SNX13: variants seen among roughly 807,000 people sequenced by gnomAD.
The protein encoded by SNX13 is sorting nexin 13.
SNX13 carries 45 observed loss-of-function variants against 133.6 expected under a neutral mutation model. The observed-to-expected ratio is 0.34, with a 90% CI of 0.27 to 0.43. The LOEUF (loss-of-function observed/expected upper bound fraction) is 0.43, where lower values mean the gene tolerates loss of function less well. SNX13 is among the 20% of genes least tolerant of loss of function. SNX13 has a pLI of 1.00. For missense variants in SNX13, 1,032 were observed against 1,145.1 expected (o/e 0.90, Z 1.43); for synonymous variants, 414 against 373.9 (o/e 1.11, Z -1.24).
chr7:17,810,235 A>G (rs910139416), intron 20 of SNX13, among the ~76,000 whole-genome samples: 1 of 152,170 alleles, frequency 6.6e-6, no homozygotes, highest in African/African-American at 2.4e-5. Context: ...CAGACTAATA[A>G]AGAAGAAAAG....
intron 9 of SNX13, among the ~76,000 whole-genome samples, chr7:17,856,487 A>G (rs1241806414): frequency 6.6e-6 from 1 of 152,164 alleles, no homozygotes; most frequent in Non-Finnish European, 1.5e-5. Context: ...TTCTCCAATT[A>G]AAAGACATAG....
intron 15 of SNX13, chr7:17,831,876 G>T (rs1788531799): frequency 9.1e-6 from 9 of 984,104 alleles, no homozygotes; most frequent in Non-Finnish European, 1.1e-5. Flanking sequence ...TAAACCAGTG[G>T]CCTAAAACCT....
intron 13 of SNX13, among the ~76,000 whole-genome samples, chr7:17,838,563 T>G (rs1336760236): frequency 1.3e-5 from 2 of 151,886 alleles, no homozygotes. Flanking sequence ...AAAAAGATTG[T>G]TGATTGTAGA....
At chr7:17,795,128 G>C (rs1487676445) in intron 25 of SNX13, 1 of 151,626 alleles carries the variant, frequency 6.6e-6, no homozygotes, top group Non-Finnish European at 1.5e-5. Flanking sequence ...TAAATTCAAA[G>C]TGAAGAAAGC....
intron 21 of SNX13, among the ~76,000 whole-genome samples, chr7:17,803,112 CATG>C (rs1189991033): frequency 1.3e-5 from 2 of 152,128 alleles, no homozygotes; most frequent in Non-Finnish European, 2.9e-5. Context: ...AATAGTACTT[CATG>C]ATAAAAATGG....
At chr7:17,812,342 C>T (rs978288281) in intron 20 of SNX13, among the ~76,000 whole-genome samples, 5 of 151,934 alleles carry the variant, frequency 3.3e-5, no homozygotes, top group East Asian at 3.9e-4. Context: ...GCGAACGATA[C>T]GAACAGACAC....
chr7:17,864,496 T>A (rs1793123011), intron 9 of SNX13, among the ~76,000 whole-genome samples: 2 of 152,162 alleles, frequency 1.3e-5, no homozygotes, highest in East Asian at 3.9e-4. Context: ...AAATGAAGCA[T>A]ACCCACAAGA....
chr7:17,937,976 G>A (rs564112402), intron 1 of SNX13, among the ~76,000 whole-genome samples: 213 of 152,248 alleles, frequency 1.4e-3, no homozygotes, highest in African/African-American at 3.8e-3. Flanking sequence ...CACATTTTGA[G>A]ACCTAACATG....
chr7:17,910,774 T>C (rs762797265), intron 1 of SNX13, among the ~76,000 whole-genome samples: 4 of 152,200 alleles, frequency 2.6e-5, no homozygotes, highest in Non-Finnish European at 5.9e-5. Flanking sequence ...AAACTTATGT[T>C]AAATGAAAGA....
chr7:17,805,211 T>TTGTGTGTGTGTGTGTGTG lies in SNX13; in HGVS notation c.2065-1649_2065-1632dup, dbSNP rs55946438. Among the ~76,000 whole-genome samples, 752 of 118,418 alleles carry TTGTGTGTGTGTGTGTGTG rather than the reference T, an allele frequency of 6.4e-3. 14 individuals carry two copies. The highest frequency in any genetic ancestry group is 0.014 in the African/African-American group (427 of 29,740). 77.7% of individuals were successfully genotyped at this position (118,418 alleles called of 152,430 possible). The stretch of plus-strand genomic sequence containing the variant: ...AGTCTCACGTTTGGCTAATGATTCT[T>TTGTGTGTGTGTGTGTGTG]TGTGTGTGTGTGTGTGTGTGTGTGT... On this transcript the variant is annotated intron_variant, in intron 20 of 25. Transcript: ENST00000428135.
At chr7:17,861,537 T>A (rs1193917598) in intron 9 of SNX13, among the ~76,000 whole-genome samples, 2 of 152,086 alleles carry the variant, frequency 1.3e-5, no homozygotes, top group African/African-American at 2.4e-5. Flanking sequence ...GTAACTAGCT[T>A]CCAATAAAAT....
intron 20 of SNX13, among the ~76,000 whole-genome samples, chr7:17,814,168 A>G (rs1017250576): frequency 6.6e-6 from 1 of 152,182 alleles, no homozygotes; most frequent in Non-Finnish European, 1.5e-5. Context: ...AATATACAGA[A>G]TATTGCATGA....
At chr7:17,840,149 A>C (rs1410082279) in intron 12 of SNX13, 149 bp from the exon 13 acceptor site, 7 of 587,886 alleles carry the variant, frequency 1.2e-5, no homozygotes, top group Non-Finnish European at 1.8e-5. Context: ...TGAGGTGAAA[A>C]TATAGTTGTA....
At chr7:17,817,718 T>C (rs892910278) in intron 18 of SNX13, among the ~76,000 whole-genome samples, 1 of 152,156 alleles carries the variant, frequency 6.6e-6, no homozygotes, top group Non-Finnish European at 1.5e-5. Flanking sequence ...GTATTAGAAA[T>C]GGGTCCTCAC....
Position 17,879,937 on chromosome 7 carries a change from C to T in SNX13, c.441-4147G>A, listed in dbSNP as rs149176393. ...TTTGAGTCTATGATTATATTAGCTACATAAAACCACACATATACATACACA... is the reference window on the plus strand; with the variant it reads ...TTTGAGTCTATGATTATATTAGCTATATAAAACCACACATATACATACACA... On this transcript the variant is annotated intron_variant, in intron 5 of 25. Coordinates refer to ENST00000428135, the MANE Select transcript of SNX13 (RefSeq NM_015132.5). 8.5e-5 allele frequency: 13 copies of T among 152,272 alleles called. No homozygotes were observed. The East Asian group carries it at 2.3e-3, about 27-fold the overall frequency. The allele number at this position is 152,272 out of a possible 1,614,324, so 9.4% of individuals were successfully genotyped here.
Position 17,857,135 on chromosome 7 carries a change from TAGA to T in SNX13, c.838-6174_838-6172del, listed in dbSNP as rs564022649. ...TTATGCTCCAACAAACTGGAAAACC[TAGA>T]AGAACTGAATAAATTCCTCACACAT... On this transcript the variant is annotated intron_variant, in intron 9 of 25. Transcript: ENST00000428135. Among the ~76,000 whole-genome samples, 119 of 152,254 alleles carry T rather than the reference TAGA, an allele frequency of 7.8e-4. 2 individuals carry two copies. In the South Asian group the frequency reaches 0.023, roughly 30 times the overall value.
At chr7:17,862,903 C>T (rs191914498) in intron 9 of SNX13, among the ~76,000 whole-genome samples, 234 of 152,182 alleles carry the variant, frequency 1.5e-3, no homozygotes, top group African/African-American at 5.2e-3. Flanking sequence ...TCACAGTACC[C>T]GGTTTGAGCA....
chr7:17,804,941 A>C (rs549880495), intron 20 of SNX13, among the ~76,000 whole-genome samples: 11 of 152,246 alleles, frequency 7.2e-5, no homozygotes, highest in African/African-American at 2.6e-4. Context: ...AGAAGAGGTA[A>C]AATGCATATT....
chr7:17,888,074 A>T (rs2127989451), intron 5 of SNX13: 2 of 152,312 alleles, frequency 1.3e-5, no homozygotes, highest in African/African-American at 4.8e-5. Context: ...AGCCTCTAGT[A>T]AGTCATATAT....
Sources: gnomAD v4.1 joint callset for allele counts (sites outside exome capture counted in the v4.1 genomes callset) on GRCh38, gnomAD v4.1.1 for gene constraint, MANE v1.5 for transcripts, NCBI Gene and HGNC (gene_info 2026-07-23, HGNC 2026-07-21) for gene names.